Variants in SLC9A2 observed in about 807,000 individuals in gnomAD.
The protein encoded by SLC9A2 is sodium/hydrogen exchanger 2.
In SLC9A2, 42 loss-of-function variants were observed where a neutral mutation model predicts 71.7. The observed-to-expected ratio is 0.59, with a 90% CI of 0.46 to 0.76. The LOEUF is 0.76. SLC9A2 is among the 30% of genes least tolerant of loss of function. The pLI is 0.00. For synonymous variants in SLC9A2, 396 were observed against 392.5 expected, an observed-to-expected ratio of 1.01 and a Z score of -0.10; for missense variants, 829 against 1,017.4, an observed-to-expected ratio of 0.81 and a Z score of 2.52.
chr2:102,670,599 C>CAAAA (rs66543071), intron 3 of SLC9A2, among the ~76,000 whole-genome samples: 134 of 79,588 alleles, frequency 1.7e-3, no homozygotes, highest in East Asian at 2.2e-3. Flanking sequence ...CTCCCCCCAC[C>CAAAA]AAAAAAAAAA....
intron 3 of SLC9A2, among the ~76,000 whole-genome samples, chr2:102,683,006 C>G (rs1294769113): frequency 6.6e-6 from 1 of 152,106 alleles, no homozygotes; most frequent in Non-Finnish European, 1.5e-5. Context: ...AAGTGTGAAT[C>G]TGGGGTAAGG....
intron 1 of SLC9A2, among the ~76,000 whole-genome samples, chr2:102,657,168 T>C (rs1410894475): frequency 2.0e-5 from 3 of 151,192 alleles, no homozygotes; most frequent in African/African-American, 4.9e-5. Context: ...ATTATGCCAC[T>C]GTACTCCAGC....
chr2:102,690,968 CAAAA>C (rs57709703), intron 5 of SLC9A2, among the ~76,000 whole-genome samples: 83 of 131,236 alleles, frequency 6.3e-4, no homozygotes, highest in African/African-American at 1.4e-3. Context: ...TCATTTTCTT[CAAAA>C]AAAAAAAAAA....
chr2:102,621,268 A>T (rs1160942877), intron 1 of SLC9A2, among the ~76,000 whole-genome samples: 1 of 150,594 alleles, frequency 6.6e-6, no homozygotes, highest in Admixed American at 6.6e-5. Flanking sequence ...GGATCGCTTA[A>T]ACTCAGGAGG....
chr2:102,695,573 T>G (rs912430850), intron 7 of SLC9A2, among the ~76,000 whole-genome samples: 4 of 151,712 alleles, frequency 2.6e-5, no homozygotes, highest in Non-Finnish European at 5.9e-5. Context: ...ATGATTCTTC[T>G]GATCATTGGC....
intron 5 of SLC9A2, among the ~76,000 whole-genome samples, chr2:102,692,226 A>G (rs931858582): frequency 3.9e-5 from 6 of 152,208 alleles, no homozygotes; most frequent in Non-Finnish European, 8.8e-5. Context: ...TTTTATACCA[A>G]ATTTGGTCAA....
intron 3 of SLC9A2, among the ~76,000 whole-genome samples, chr2:102,682,861 G>C (rs1296043969): frequency 2.0e-5 from 3 of 152,182 alleles, no homozygotes; most frequent in South Asian, 2.1e-4. Context: ...AATCCTTTTA[G>C]ATAATAGAGG....
At chr2:102,643,622 C>T (rs1423545275) in intron 1 of SLC9A2, among the ~76,000 whole-genome samples, 1 of 152,198 alleles carries the variant, frequency 6.6e-6, no homozygotes, top group African/African-American at 2.4e-5. Context: ...AGCATTTCTT[C>T]TGCTATCTTT....
At chr2:102,691,443 G>C (rs1269637332) in intron 5 of SLC9A2, among the ~76,000 whole-genome samples, 1 of 152,054 alleles carries the variant, frequency 6.6e-6, no homozygotes, top group East Asian at 1.9e-4. Flanking sequence ...CTCCCAACCA[G>C]ACACCCAGGC....
At chr2:102,635,659 A>T (rs1357582441) in intron 1 of SLC9A2, among the ~76,000 whole-genome samples, 1 of 152,180 alleles carries the variant, frequency 6.6e-6, no homozygotes, top group Non-Finnish European at 1.5e-5. Flanking sequence ...ACCAAGTAAC[A>T]CTGTTTTATA....
chr2:102,672,866 C>T (rs1174940750), intron 3 of SLC9A2, among the ~76,000 whole-genome samples: 4 of 152,092 alleles, frequency 2.6e-5, no homozygotes, highest in Non-Finnish European at 5.9e-5. Flanking sequence ...TTTCTTGCCT[C>T]ATCTTCTTAG....
chr2:102,656,393 A>G (rs950958769), intron 1 of SLC9A2, among the ~76,000 whole-genome samples: 3 of 152,196 alleles, frequency 2.0e-5, no homozygotes, highest in African/African-American at 7.2e-5. Context: ...AGCCCTGCCC[A>G]CATATTGCCC....
chr2:102,630,904 G>A (rs1676342864), intron 1 of SLC9A2, among the ~76,000 whole-genome samples: 1 of 151,080 alleles, frequency 6.6e-6, no homozygotes, highest in Non-Finnish European at 1.5e-5. Context: ...TAATACTTGG[G>A]GTGCTAATTC....
rs140938658 is a variant in SLC9A2 at position 102,640,556 on chromosome 2, A to G, written c.290-17008A>G. 2.7e-3 allele frequency among the ~76,000 whole-genome samples: 418 copies of G among 152,320 alleles called. 5 individuals carry two copies. Among genetic ancestry groups the G allele is most frequent in the African/African-American group, 8.9e-3 (370 of 41,574 alleles). On this transcript the variant is annotated intron_variant, in intron 1 of 11. Coordinates refer to ENST00000233969, the MANE Select transcript of SLC9A2 (RefSeq NM_003048.6). ...AGTTTACTGGTTGTTATAAAGGGAT[A>G]CAGATGAGCATCCAGGTGAAGAGGT...
intron 11 of SLC9A2, among the ~76,000 whole-genome samples, chr2:102,706,862 A>G (rs889035680): frequency 2.6e-5 from 4 of 152,212 alleles, no homozygotes; most frequent in African/African-American, 9.6e-5. Flanking sequence ...CTTTGTTATA[A>G]TGTCTAATAT....
chr2:102,659,963 A>C (rs1677020098), intron 2 of SLC9A2, among the ~76,000 whole-genome samples: 1 of 152,220 alleles, frequency 6.6e-6, no homozygotes, highest in Non-Finnish European at 1.5e-5. Context: ...CAGTAGAGTC[A>C]AATTCATTTC....
intron 1 of SLC9A2, among the ~76,000 whole-genome samples, chr2:102,648,296 T>G (rs1558706695): frequency 6.6e-6 from 1 of 152,128 alleles, no homozygotes; most frequent in Non-Finnish European, 1.5e-5. Context: ...TCAACACCCC[T>G]TCATGCCAAA....
rs776586976 is a variant in SLC9A2, at chr2:102,702,501, G to A, written c.1844G>A (p.Arg615Gln). ...AGAAATCTCTATCAAATCCGTCAGC[G>A]AGTAAGAATAATTTATGTAGCAAAA... Reference protein sequence around the residue: ...LSRNLYQIRQRTLSYNRHSLT... With the variant: ...LSRNLYQIRQQTLSYNRHSLT... The change falls in exon 9 of 12, where the codon CGA (arginine) becomes CAA (glutamine). Residue 615 changes from arginine to glutamine, a missense_variant and splice_region_variant. Physicochemically the swap from Arg to Gln is conservative, Grantham distance 43 (BLOSUM62 1). Around this residue, in one of 3 missense-constraint regions of SLC9A2, gnomAD observed 500 missense variants for 726.3 expected, o/e 0.69. Transcript: ENST00000233969. 1.3e-6 allele frequency: 2 copies of A among 1,549,398 alleles called. No individual in the cohort carries two copies. Among genetic ancestry groups the A allele is most frequent in the Admixed American group, 1.9e-5 (1 of 53,180 alleles).
At chr2:102,670,782 G>C (rs1403666403) in intron 3 of SLC9A2, among the ~76,000 whole-genome samples, 1 of 135,798 alleles carries the variant, frequency 7.4e-6, no homozygotes, top group Non-Finnish European at 1.6e-5. Context: ...TCTTCTTCCT[G>C]TTTTTCTTTG....
Sources: allele counts gnomAD v4.1 joint callset (sites outside exome capture counted in the v4.1 genomes callset), GRCh38; gene constraint gnomAD v4.1.1; regional missense constraint gnomAD v4.1.1; transcripts MANE v1.5; gene names NCBI Gene and HGNC (gene_info 2026-07-23, HGNC 2026-07-21).